Variants in GRM1 observed in about 807,000 individuals in gnomAD.
GRM1 encodes the protein glutamate metabotropic receptor 1.
Under a neutral mutation model 90.9 loss-of-function variants are expected in GRM1, and 33 were observed. That is an observed-to-expected ratio of 0.36 (90% CI 0.28 to 0.49). The LOEUF (loss-of-function observed/expected upper bound fraction) is 0.49. Ranked by LOEUF, GRM1 falls within the 20% of genes least tolerant of loss-of-function variation. The pLI, the probability that GRM1 is intolerant of heterozygous loss-of-function variation, is 0.99. For synonymous variants in GRM1, 700 were observed against 613.2 expected, an observed-to-expected ratio of 1.14 and a Z score of -2.09; for missense variants, 1,190 against 1,534.3, an observed-to-expected ratio of 0.78 and a Z score of 3.75.
intron 5 of GRM1, among the ~76,000 whole-genome samples, chr6:146,363,374 GCT>G (rs1775564452): frequency 1.3e-5 from 2 of 152,012 alleles, no homozygotes; most frequent in Admixed American, 1.3e-4. Context: ...TATTCAAAGA[GCT>G]CTCTATATTT....
intron 2 of GRM1, among the ~76,000 whole-genome samples, chr6:146,170,768 G>T (rs1241115849): frequency 1.3e-5 from 2 of 151,538 alleles, no homozygotes; most frequent in East Asian, 3.9e-4. Flanking sequence ...GCTGACATCT[G>T]GTCCATCTCA....
At chr6:146,186,501 A>T (rs1034577253) in intron 2 of GRM1, among the ~76,000 whole-genome samples, 1 of 152,134 alleles carries the variant, frequency 6.6e-6, no homozygotes, top group African/African-American at 2.4e-5. Flanking sequence ...GCCAATAGCT[A>T]CCTACACAAC....
intron 2 of GRM1, among the ~76,000 whole-genome samples, chr6:146,232,751 A>G (rs187501238): frequency 6.6e-6 from 1 of 152,118 alleles, no homozygotes; most frequent in East Asian, 1.9e-4. Flanking sequence ...TTTTACCTTA[A>G]TTATCTCTGT....
In GRM1 at chr6:146,435,306, C is replaced by A; in HGVS notation, c.*510C>A. On this transcript the variant is annotated 3_prime_UTR_variant, in exon 8 of 8. Transcript: ENST00000282753. Reference sequence around the variant, plus strand: ...GGAAGGGCCCAGGCCAGACCCATCCCAAACGGATGATGGGATGATGGGACA... The same window carrying A: ...GGAAGGGCCCAGGCCAGACCCATCCAAAACGGATGATGGGATGATGGGACA... 4.5e-6 allele frequency: 1 copy of A among 221,872 alleles called. No homozygotes were observed. 13.7% of individuals were successfully genotyped at this position (221,872 alleles called of 1,614,324 possible). A position where few individuals can be genotyped will look rare whatever the true frequency, so the allele number is the denominator to read the frequency against.
At chr6:146,157,486 A>C (rs1360976264) in intron 1 of GRM1, among the ~76,000 whole-genome samples, 5 of 152,224 alleles carry the variant, frequency 3.3e-5, no homozygotes, top group Admixed American at 3.3e-4. Context: ...GTCAACTAAG[A>C]CAAAGAGAAA....
At chr6:146,371,802 T>G (rs1775911925) in intron 5 of GRM1, among the ~76,000 whole-genome samples, 1 of 152,148 alleles carries the variant, frequency 6.6e-6, no homozygotes, top group Non-Finnish European at 1.5e-5. Flanking sequence ...GATCTCATTC[T>G]TTTTTATGGC....
chr6:146,164,791 C>G (rs773825065), intron 2 of GRM1, among the ~76,000 whole-genome samples: 53 of 152,080 alleles, frequency 3.5e-4, no homozygotes, highest in Non-Finnish European at 5.9e-5. Flanking sequence ...TCCTGAGCCT[C>G]CACCCTGGTT....
At chr6:146,131,877 G>A (rs936316903) in intron 1 of GRM1, among the ~76,000 whole-genome samples, 3 of 152,168 alleles carry the variant, frequency 2.0e-5, no homozygotes, top group African/African-American at 7.2e-5. Context: ...TGGTGAAGAA[G>A]CCAAGATAGG....
chr6:146,324,446 T>TA (rs1784328353), intron 3 of GRM1, among the ~76,000 whole-genome samples: 1 of 151,396 alleles, frequency 6.6e-6, no homozygotes, highest in South Asian at 2.1e-4. Context: ...GGAAAAAAAA[T>TA]AAAAAATTAA....
intron 1 of GRM1, among the ~76,000 whole-genome samples, chr6:146,129,545 A>G (rs1483559503): frequency 6.6e-6 from 1 of 152,194 alleles, no homozygotes; most frequent in East Asian, 1.9e-4. Context: ...GAGAGGCTGC[A>G]CAGAGCAACT....
intron 2 of GRM1, among the ~76,000 whole-genome samples, chr6:146,269,353 A>G (rs1002801224): frequency 8.5e-5 from 13 of 152,232 alleles, no homozygotes; most frequent in African/African-American, 2.9e-4. Flanking sequence ...TATAGTTAAT[A>G]AGAGGATTCA....
intron 1 of GRM1, among the ~76,000 whole-genome samples, chr6:146,139,837 T>G (rs1341909656): frequency 6.6e-6 from 1 of 151,812 alleles, no homozygotes; most frequent in African/African-American, 2.4e-5. Flanking sequence ...AAAAACCTAC[T>G]CCTGCCATTT....
intron 6 of GRM1, among the ~76,000 whole-genome samples, chr6:146,396,044 A>G (rs1776912819): frequency 7.0e-6 from 1 of 142,328 alleles, no homozygotes; most frequent in African/African-American, 2.6e-5. Context: ...TGTTATTTTA[A>G]ATATCTATTT....
At chr6:146,319,769 T>C (rs1243724400) in intron 3 of GRM1, among the ~76,000 whole-genome samples, 2 of 152,212 alleles carry the variant, frequency 1.3e-5, no homozygotes, top group Admixed American at 6.5e-5. Context: ...TCTGTTTGTC[T>C]ATTAATGGTG....
At chr6:146,287,640 G>A (rs1407229905) in intron 2 of GRM1, among the ~76,000 whole-genome samples, 3 of 152,108 alleles carry the variant, frequency 2.0e-5, no homozygotes. Context: ...CCCAACTCAT[G>A]TTTACAACAT....
intron 2 of GRM1, among the ~76,000 whole-genome samples, chr6:146,210,602 T>A (rs946105630): frequency 6.6e-6 from 1 of 151,906 alleles, no homozygotes; most frequent in Non-Finnish European, 1.5e-5. Flanking sequence ...TTGAGGTAGG[T>A]GGAAGAGGGA....
chr6:146,397,431 G>A (rs1460511874), intron 6 of GRM1, among the ~76,000 whole-genome samples: 12 of 129,756 alleles, frequency 9.2e-5, no homozygotes, highest in East Asian at 4.9e-4. Context: ...CTGAGATTGC[G>A]CCACTGCACT....
At chr6:146,118,357 C>A (rs946395067) in intron 1 of GRM1, among the ~76,000 whole-genome samples, 3 of 151,844 alleles carry the variant, frequency 2.0e-5, no homozygotes, top group African/African-American at 7.3e-5. Context: ...GCCAGGATGG[C>A]CTGGATCTCC....
chr6:146,356,662 G>A (rs931496912), intron 4 of GRM1, among the ~76,000 whole-genome samples: 4 of 152,134 alleles, frequency 2.6e-5, no homozygotes, highest in Non-Finnish European at 4.4e-5. Flanking sequence ...CAAGAACCAC[G>A]TGAGGCTTAA....
Sources: gnomAD v4.1 joint callset for allele counts (sites outside exome capture counted in the v4.1 genomes callset) on GRCh38, gnomAD v4.1.1 for gene constraint, MANE v1.5 for transcripts, NCBI Gene and HGNC (gene_info 2026-07-23, HGNC 2026-07-21) for gene names.